Variants in SHTN1 observed in about 807,000 individuals in gnomAD.
SHTN1 encodes the protein shootin-1.
In SHTN1, 42 loss-of-function variants were observed where a neutral mutation model predicts 83.1. The observed-to-expected ratio is 0.51, with a 90% CI of 0.39 to 0.65. The LOEUF (loss-of-function observed/expected upper bound fraction) is 0.65. SHTN1 is among the 30% of genes least tolerant of loss of function. The probability of loss-of-function intolerance (pLI) is 0.00; values close to 1 mark genes in which losing one functional copy is unlikely to be tolerated. For synonymous variants in SHTN1, 224 were observed against 247.7 expected (o/e 0.90, Z 0.90); for missense variants, 622 against 737.8 (o/e 0.84, Z 1.82).
At chr10:117,065,834 AAGGAAGGAAGGAAGGAAGGAAAGG>A (rs1564947421) in intron 1 of SHTN1, among the ~76,000 whole-genome samples, 1 of 73,010 alleles carries the variant, frequency 1.4e-5, no homozygotes, top group African/African-American at 5.4e-5. Context: ...GGAAGGAAGG[AAGGAAGGAAGGAAGGAAGGAAAGG>A]AGGGAGGGAG....
chr10:116,924,534 C>A (rs1265530714), intron 11 of SHTN1, among the ~76,000 whole-genome samples: 1 of 152,048 alleles, frequency 6.6e-6, no homozygotes, highest in Non-Finnish European at 1.5e-5. Context: ...AAAGGAAAAT[C>A]ATTGCAATAT....
chr10:116,948,992 AT>A lies in SHTN1; in HGVS notation c.539del (p.Asn180IlefsTer10). On this transcript the variant is annotated frameshift_variant, in exon 7 of 17. Transcript: ENST00000355371. LOFTEE classifies it high-confidence loss of function. ...AAACAGTCTTTTCTTGTTTAACTTT[AT>A]TTACCTAAAAATGTGAAATTTTGAG... ...SKLVEVIEEV[N>X]KVKQEKTVLN... The A allele has an allele frequency of 6.4e-7, 1 of 1,555,470 alleles. No individual in the cohort carries two copies. Among genetic ancestry groups the A allele is most frequent in the East Asian group, 2.3e-5 (1 of 43,570 alleles).
intron 6 of SHTN1, among the ~76,000 whole-genome samples, chr10:116,949,503 C>T (rs975090039): frequency 2.6e-5 from 4 of 151,874 alleles, no homozygotes; most frequent in Admixed American, 2.0e-4. Flanking sequence ...AGTCAAGATC[C>T]GATACTCAAT....
chr10:116,926,843 T>A (rs898560834), intron 11 of SHTN1, among the ~76,000 whole-genome samples: 1 of 152,156 alleles, frequency 6.6e-6, no homozygotes, highest in Non-Finnish European at 1.5e-5. Flanking sequence ...CTTATGTAAT[T>A]CTAGATGGTG....
At chr10:116,888,958 G>C (rs148474825) in intron 16 of SHTN1, among the ~76,000 whole-genome samples, 3 of 152,358 alleles carry the variant, frequency 2.0e-5, no homozygotes, top group Non-Finnish European at 2.9e-5. Flanking sequence ...TCTGCAGATT[G>C]AGTCACCAGT....
intron 16 of SHTN1, among the ~76,000 whole-genome samples, chr10:116,889,781 G>A (rs1034034393): frequency 1.3e-5 from 2 of 152,148 alleles, no homozygotes; most frequent in Non-Finnish European, 2.9e-5. Context: ...TTCCGAATCC[G>A]TTTCCATCTC....
chr10:117,029,376 G>T (rs1354802387), intron 2 of SHTN1, among the ~76,000 whole-genome samples: 1 of 152,196 alleles, frequency 6.6e-6, no homozygotes, highest in Non-Finnish European at 1.5e-5. Context: ...TGACTTTTGA[G>T]TTAATGCTGG....
At chr10:116,932,622 G>A (rs1253201156) in intron 9 of SHTN1, among the ~76,000 whole-genome samples, 1 of 152,136 alleles carries the variant, frequency 6.6e-6, no homozygotes, top group East Asian at 1.9e-4. Flanking sequence ...TATGTTTAAG[G>A]TAGGCTAGGC....
chr10:116,966,349 G>T (rs1273242083), intron 3 of SHTN1, among the ~76,000 whole-genome samples: 5 of 152,026 alleles, frequency 3.3e-5, no homozygotes, highest in Non-Finnish European at 5.9e-5. Flanking sequence ...GTAAAGAGTT[G>T]GCACTCTGTT....
At chr10:117,045,284 G>A (rs1265196371) in intron 2 of SHTN1, among the ~76,000 whole-genome samples, 1 of 152,132 alleles carries the variant, frequency 6.6e-6, no homozygotes, top group Non-Finnish European at 1.5e-5. Flanking sequence ...GCAAAAGTGT[G>A]CAACAATCTG....
At chr10:117,040,156 A>G (rs1326311216) in intron 2 of SHTN1, among the ~76,000 whole-genome samples, 2 of 152,210 alleles carry the variant, frequency 1.3e-5, no homozygotes, top group African/African-American at 2.4e-5. Context: ...AAATCCCAGA[A>G]AACTGTTTTT....
In SHTN1 at chr10:116,884,514, G is replaced by C; in HGVS notation, c.*1830C>G. The C allele has an allele frequency of 3.1e-6, 1 of 326,932 alleles. No homozygotes were observed. The highest frequency in any genetic ancestry group is 4.1e-5 in the Admixed American group (1 of 24,132). 20.3% of individuals were successfully genotyped at this position (326,932 alleles called of 1,614,324 possible). On this transcript the variant is annotated 3_prime_UTR_variant, in exon 17 of 17. Coordinates refer to ENST00000355371, the MANE Select transcript of SHTN1 (RefSeq NM_001127211.3). ...GGGCAACTTCTTACTCTAGAAAGGA[G>C]GGTATTTTGATAACCATATTATTCT...
At chr10:117,090,293 TAAATA>T (rs1853410718) in intron 1 of SHTN1, among the ~76,000 whole-genome samples, 1 of 152,166 alleles carries the variant, frequency 6.6e-6, no homozygotes, top group African/African-American at 2.4e-5. Flanking sequence ...TAAGTCAGTT[TAAATA>T]AGCCAGTCAC....
chr10:116,987,915 A>T (rs961097657), intron 1 of SHTN1, among the ~76,000 whole-genome samples: 1 of 152,028 alleles, frequency 6.6e-6, no homozygotes, highest in Non-Finnish European at 1.5e-5. Flanking sequence ...CCGTCTCAAA[A>T]AAACAAACAA....
intron 1 of SHTN1, among the ~76,000 whole-genome samples, chr10:117,111,344 AGT>A: frequency 1.3e-5 from 2 of 151,794 alleles, no homozygotes; most frequent in Non-Finnish European, 2.9e-5. Context: ...CCCAGGCTGG[AGT>A]ACAGTAGCAC....
At chr10:117,120,419 T>C (rs1853906063) in intron 1 of SHTN1, among the ~76,000 whole-genome samples, 1 of 152,068 alleles carries the variant, frequency 6.6e-6, no homozygotes, top group Non-Finnish European at 1.5e-5. Context: ...AGCTAATTTT[T>C]TTGTATTTTT....
chr10:116,915,886 A>T (rs565547544), intron 12 of SHTN1, among the ~76,000 whole-genome samples: 2 of 152,344 alleles, frequency 1.3e-5, no homozygotes, highest in East Asian at 3.9e-4. Flanking sequence ...AAATCAGCCT[A>T]AAAAAGAAAC....
intron 1 of SHTN1, among the ~76,000 whole-genome samples, chr10:117,065,728 GAAAGAAAGAAAGA>G (rs1852970084): frequency 1.4e-4 from 1 of 7,356 alleles, no homozygotes; most frequent in African/African-American, 2.6e-4. Context: ...AGAGAGAGAT[GAAAGAAAGAAAGA>G]AAGAAAGAAA....
rs59500373 is a variant in SHTN1, at chr10:117,094,635, G to A, written c.-189+31672C>T. ...GTAAGAGGCTTCCCAGAAGATAAGC[G>A]AAGTTTCATAATCATTTCCCTGGTT... On this transcript the variant is annotated intron_variant, in intron 1 of 17. Transcript: ENST00000392901. 6.8e-3 allele frequency among the ~76,000 whole-genome samples: 1,031 copies of A among 152,214 alleles called. 8 individuals are homozygous for A. The highest frequency in any genetic ancestry group is 0.024 in the African/African-American group (990 of 41,532).
Sources: allele counts gnomAD v4.1 joint callset (sites outside exome capture counted in the v4.1 genomes callset), GRCh38; gene constraint gnomAD v4.1.1; transcripts MANE v1.5; gene names NCBI Gene and HGNC (gene_info 2026-07-23, HGNC 2026-07-21).